PDZD2: variants seen among roughly 807,000 people sequenced by gnomAD.
PDZD2 encodes PDZ domain-containing protein 2.
Under a neutral mutation model 220.7 loss-of-function variants are expected in PDZD2, and 90 were observed. That is an observed-to-expected ratio of 0.41 (90% CI 0.34 to 0.49). The LOEUF (loss-of-function observed/expected upper bound fraction) is 0.49. PDZD2 is among the 20% of genes least tolerant of loss of function. PDZD2 has a pLI of 0.28. For missense variants in PDZD2, 3,174 were observed against 3,608.5 expected (o/e 0.88, Z 3.08); for synonymous variants, 1,375 against 1,450.5 (o/e 0.95, Z 1.18).
chr5:32,086,157 C>T (rs1742429674), intron 19 of PDZD2, among the ~76,000 whole-genome samples: 1 of 152,178 alleles, frequency 6.6e-6, no homozygotes, highest in Non-Finnish European at 1.5e-5. Context: ...TATGTTTTCC[C>T]TAGTTAGCCT....
intron 2 of PDZD2, among the ~76,000 whole-genome samples, chr5:31,879,576 A>G (rs1051573860): frequency 6.6e-6 from 1 of 152,028 alleles, no homozygotes; most frequent in African/African-American, 2.4e-5. Flanking sequence ...TGAATGGTCA[A>G]ATCGGTTTCA....
At chr5:32,018,433 T>C (rs1052180377) in intron 6 of PDZD2, among the ~76,000 whole-genome samples, 4 of 152,080 alleles carry the variant, frequency 2.6e-5, no homozygotes, top group Non-Finnish European at 5.9e-5. Context: ...ACAGAGGGAG[T>C]GAGGCCAAGG....
At chr5:32,037,451 A>G in intron 7 of PDZD2, 109 bp downstream of exon 7, 1 of 665,132 alleles carries the variant, frequency 1.5e-6, no homozygotes. Context: ...TTAAAACCTC[A>G]AAATCATTTT....
chr5:31,974,936 G>A (rs1466725665), intron 2 of PDZD2, among the ~76,000 whole-genome samples: 1 of 152,028 alleles, frequency 6.6e-6, no homozygotes, highest in South Asian at 2.1e-4. Context: ...ACTATGTAAT[G>A]GTAACAAGAT....
At chr5:31,761,944 C>T (rs1288323600) in intron 1 of PDZD2, among the ~76,000 whole-genome samples, 4 of 151,822 alleles carry the variant, frequency 2.6e-5, no homozygotes, top group African/African-American at 4.8e-5. Context: ...GGAGGGACCA[C>T]AGAAAACTTA....
rs1252048753 is a variant in PDZD2 at position 31,886,443 on chromosome 5, C to T, written c.476+86719C>T. The stretch of plus-strand genomic sequence containing the variant: ...CTTGCTGCCCGGACTCCCTTCCTCT[C>T]TCCTCTCTCCTCTCTGCTGAGGTTC... On this transcript the variant is annotated intron_variant, in intron 2 of 24. Transcript: ENST00000438447. Among the ~76,000 whole-genome samples, 4 of 152,116 alleles carry T rather than the reference C, an allele frequency of 2.6e-5. No individual in the cohort carries two copies. In the East Asian group the frequency reaches 7.7e-4, roughly 29 times the overall value.
intron 2 of PDZD2, among the ~76,000 whole-genome samples, chr5:31,978,701 C>T (rs138508055): frequency 0.024 from 2,466 of 101,598 alleles, 66 homozygotes; most frequent in African/African-American, 0.094. Flanking sequence ...GGCGACAGAG[C>T]GAGACTCCAT....
At position 31,784,852 on chromosome 5, in the gene PDZD2, A is replaced by G. The variant is rs548994797; in HGVS notation, c.-360-14037A>G. ...AACCCGGGAGGTGGAGGTTGCAGTG[A>G]GCCGAGATTGCACCACTGCACTCCA... On this transcript the variant is annotated intron_variant, in intron 1 of 24. Coordinates refer to ENST00000438447, the MANE Select transcript of PDZD2 (RefSeq NM_178140.4). 1.2e-3 allele frequency among the ~76,000 whole-genome samples: 178 copies of G among 152,206 alleles called. 6 individuals carry two copies. The South Asian group carries it at 0.033, about 28-fold the overall frequency.
intron 1 of PDZD2, among the ~76,000 whole-genome samples, chr5:31,651,727 G>A (rs1745357201): frequency 6.6e-6 from 1 of 152,032 alleles, no homozygotes; most frequent in African/African-American, 2.4e-5. Context: ...AACCTCCCAG[G>A]CTCAAGTGAT....
In PDZD2 at chr5:32,109,215, T is replaced by TC. The variant is rs981460364; in HGVS notation, c.*1083dup. ...CTTTTAGGAGACTGGTTGGTTTTTTTCCCTCTTTCCCAACATGTTTAAGAA... is the reference window on the plus strand; with the variant it reads ...CTTTTAGGAGACTGGTTGGTTTTTTTCCCCTCTTTCCCAACATGTTTAAGAA... On this transcript the variant is annotated 3_prime_UTR_variant, in exon 25 of 25. Transcript: ENST00000438447. 1 of 152,184 alleles carries TC rather than the reference T, an allele frequency of 6.6e-6. No homozygotes were observed. The highest frequency in any genetic ancestry group is 2.4e-5 in the African/African-American group (1 of 41,454). 9.4% of individuals were successfully genotyped at this position (152,184 alleles called of 1,614,324 possible). A position where few individuals can be genotyped will look rare whatever the true frequency, so the allele number is the denominator to read the frequency against.
At chr5:31,976,126 T>C (rs989548318) in intron 2 of PDZD2, among the ~76,000 whole-genome samples, 2 of 152,062 alleles carry the variant, frequency 1.3e-5, no homozygotes, top group Non-Finnish European at 2.9e-5. Context: ...AAATTCAGTG[T>C]AGTAGGGAGG....
Position 32,090,580 on chromosome 5 carries a change from G to A in PDZD2, c.7132G>A (p.Val2378Ile), listed in dbSNP as rs1188584877. Residue 2378 changes from valine to isoleucine, a missense_variant, in exon 20 of 25, where the codon GTT (valine) becomes ATT (isoleucine). By Grantham distance (29) the Val-to-Ile change is conservative. Transcript: ENST00000438447. The surrounding 1 kb of genome is among the most constrained non-coding windows in gnomAD (Gnocchi z 4.3). ...PIGRRSSGSI[V>I]SGSLGHPGDA... The stretch of plus-strand genomic sequence containing the variant: ...TGGGAGGCGGTCTTCCGGCAGCATT[G>A]TTTCCGGGAGCCTGGGCCACCCAGG... The A allele has an allele frequency of 1.2e-6, 2 of 1,614,006 alleles. No homozygotes were observed. The highest frequency in any genetic ancestry group is 1.7e-6 in the Non-Finnish European group (2 of 1,179,988).
chr5:31,684,343 A>AGT (rs1312521951), intron 1 of PDZD2, among the ~76,000 whole-genome samples: 1 of 152,062 alleles, frequency 6.6e-6, no homozygotes, highest in Non-Finnish European at 1.5e-5. Flanking sequence ...AAGCAATGGG[A>AGT]GTCATCCTGG....
At chr5:31,824,844 C>T (rs1025793899) in intron 2 of PDZD2, among the ~76,000 whole-genome samples, 7 of 152,166 alleles carry the variant, frequency 4.6e-5, no homozygotes, top group Non-Finnish European at 8.8e-5. Flanking sequence ...GGAACGATTG[C>T]AGGATCAAAT....
intron 2 of PDZD2, among the ~76,000 whole-genome samples, chr5:31,803,304 T>G (rs894006032): frequency 9.9e-5 from 14 of 142,030 alleles, no homozygotes; most frequent in African/African-American, 3.5e-4. Flanking sequence ...TATCTTACTA[T>G]GTTGCCCAGG....
chr5:31,765,465 A>T (rs1379048329), intron 1 of PDZD2, among the ~76,000 whole-genome samples: 1 of 152,232 alleles, frequency 6.6e-6, no homozygotes, highest in African/African-American at 2.4e-5. Context: ...ACTTCTAATG[A>T]AGATAAAAAT....
rs528663505 is a variant in PDZD2, at chr5:32,083,979, G to A, written c.3683-3152G>A. 1.3e-5 allele frequency among the ~76,000 whole-genome samples: 2 copies of A among 152,112 alleles called. No homozygotes were observed. Among genetic ancestry groups the A allele is most frequent in the Non-Finnish European group, 2.9e-5 (2 of 68,016 alleles). ...AGGCATGAGCCACCGCCCACGGCCT[G>A]AATATGAAATTTAAAAACAGAGTTT... On this transcript the variant is annotated intron_variant, in intron 19 of 24. Coordinates refer to ENST00000438447, the MANE Select transcript of PDZD2 (RefSeq NM_178140.4). The surrounding 1 kb of genome is among the most constrained non-coding windows in gnomAD (Gnocchi z 4.1).
In PDZD2 at chr5:31,770,984, G is replaced by A. The variant is rs562399904; in HGVS notation, c.-360-27905G>A. On this transcript the variant is annotated intron_variant, in intron 1 of 24. Transcript: ENST00000438447. ...CTTTTTTTGCTAAAGAAGCATGTAT[G>A]GTTGAATCATTAGGGAAGCTTGCTA... Among the ~76,000 whole-genome samples the A allele has an allele frequency of 3.9e-5, 6 of 152,208 alleles. No individual in the cohort carries two copies. The South Asian group carries it at 1.2e-3, about 32-fold the overall frequency.
chr5:31,890,135 A>ATTTTTTTTTT (rs59916833), intron 2 of PDZD2, among the ~76,000 whole-genome samples: 23 of 98,232 alleles, frequency 2.3e-4, no homozygotes, highest in Non-Finnish European at 2.7e-4. Flanking sequence ...CTTTTTTGTG[A>ATTTTTTTTTT]TTTTTTTTTT....
Sources: gnomAD v4.1 joint callset for allele counts (sites outside exome capture counted in the v4.1 genomes callset) on GRCh38, gnomAD v4.1.1 for gene constraint, Gnocchi (gnomAD v3.1) non-coding constraint, MANE v1.5 for transcripts, NCBI Gene and HGNC (gene_info 2026-07-23, HGNC 2026-07-21) for gene names.